NAV3: variants seen among roughly 807,000 people sequenced by gnomAD.
NAV3 encodes the protein neuron navigator 3, also known as pore membrane and/or filament interacting like protein 1.
NAV3 carries 87 observed loss-of-function variants against 244.7 expected under a neutral mutation model. That is an observed-to-expected ratio of 0.36 (90% CI 0.30 to 0.42). The LOEUF (loss-of-function observed/expected upper bound fraction) is 0.42, where lower values mean the gene tolerates loss of function less well. NAV3 is among the 20% of genes least tolerant of loss of function. The probability of loss-of-function intolerance (pLI) is 1.00; values close to 1 mark genes in which losing one functional copy is unlikely to be tolerated. For synonymous variants in NAV3, 1,126 were observed against 1,042.2 expected, an observed-to-expected ratio of 1.08 and a Z score of -1.55; for missense variants, 2,663 against 2,893.3, an observed-to-expected ratio of 0.92 and a Z score of 1.83.
At chr12:77,648,501 G>A (rs1290434734) in intron 2 of NAV3, among the ~76,000 whole-genome samples, 2 of 152,004 alleles carry the variant, frequency 1.3e-5, no homozygotes, top group East Asian at 3.9e-4. Flanking sequence ...GTTATTAAAT[G>A]GTACTAGTTG....
intron 2 of NAV3, among the ~76,000 whole-genome samples, chr12:77,645,470 A>C (rs1872570129): frequency 6.7e-6 from 1 of 149,734 alleles, no homozygotes; most frequent in Non-Finnish European, 1.5e-5. Context: ...GGAAGCCTTT[A>C]AGTCAAGTAG....
intron 1 of NAV3, among the ~76,000 whole-genome samples, chr12:77,890,846 C>A (rs1883851693): frequency 2.0e-5 from 3 of 152,200 alleles, no homozygotes; most frequent in Non-Finnish European, 4.4e-5. Context: ...ACGAGTTCTC[C>A]TGAAAGTAAA....
intron 1 of NAV3, among the ~76,000 whole-genome samples, chr12:77,912,508 A>C (rs11107325): frequency 6.6e-6 from 1 of 152,180 alleles, no homozygotes; most frequent in Admixed American, 6.6e-5. Context: ...ATTAACATCA[A>C]GACAGTGATC....
chr12:77,687,724 CTT>C (rs971714943), intron 2 of NAV3, among the ~76,000 whole-genome samples: 7 of 152,060 alleles, frequency 4.6e-5, no homozygotes, highest in African/African-American at 1.7e-4. Context: ...GTAATATAAA[CTT>C]AGATCGGTTC....
chr12:77,755,218 G>GA (rs1286418427), intron 2 of NAV3, among the ~76,000 whole-genome samples: 1 of 151,876 alleles, frequency 6.6e-6, no homozygotes, highest in Non-Finnish European at 1.5e-5. Context: ...GACTATTTCT[G>GA]AAATTTATAC....
At chr12:77,987,728 G>A (rs1053443219) in intron 5 of NAV3, among the ~76,000 whole-genome samples, 2 of 152,052 alleles carry the variant, frequency 1.3e-5, no homozygotes, top group African/African-American at 4.8e-5. Context: ...TACTTAACCT[G>A]ATTAATTACT....
intron 2 of NAV3, among the ~76,000 whole-genome samples, chr12:77,749,182 G>T (rs1868711961): frequency 6.6e-6 from 1 of 152,158 alleles, no homozygotes; most frequent in Non-Finnish European, 1.5e-5. Context: ...AACAGTGACA[G>T]ACATGATAAA....
chr12:77,710,601 A>G (rs1876060924), intron 2 of NAV3, among the ~76,000 whole-genome samples: 1 of 152,218 alleles, frequency 6.6e-6, no homozygotes, highest in South Asian at 2.1e-4. Flanking sequence ...TAGAAATATA[A>G]TATATGGCAT....
chr12:78,146,034 C>CT (rs1287451013), intron 20 of NAV3, among the ~76,000 whole-genome samples: 1 of 151,930 alleles, frequency 6.6e-6, no homozygotes, highest in African/African-American at 2.4e-5. Flanking sequence ...ATGCACCCAT[C>CT]TTTTTTAGAG....
chr12:77,789,060 T>A (rs890820816), intron 2 of NAV3, among the ~76,000 whole-genome samples: 1 of 152,208 alleles, frequency 6.6e-6, no homozygotes, highest in African/African-American at 2.4e-5. Context: ...TCCTAACATA[T>A]CTAATCCTTC....
chr12:78,204,838 C>G, intron 38 of NAV3, 97 bp from the exon 39 acceptor site: 1 of 1,049,970 alleles, frequency 9.5e-7, no homozygotes, highest in Non-Finnish European at 1.4e-6. Flanking sequence ...CCCTTAAGAA[C>G]TCAATATGTC....
intron 12 of NAV3, among the ~76,000 whole-genome samples, chr12:78,093,012 A>G (rs572514347): frequency 2.6e-5 from 4 of 152,314 alleles, no homozygotes; most frequent in African/African-American, 9.6e-5. Flanking sequence ...ACTTCTTGCA[A>G]TAATTTTCAT....
chr12:77,642,161 C>T (rs1872443327), intron 2 of NAV3, among the ~76,000 whole-genome samples: 1 of 152,044 alleles, frequency 6.6e-6, no homozygotes, highest in Non-Finnish European at 1.5e-5. Context: ...TGGCCCCCTT[C>T]CAATGGGGTT....
At chr12:78,200,659 C>CA (rs959228956) in intron 38 of NAV3, 68 bp downstream of exon 38, 380 of 846,130 alleles carry the variant, frequency 4.5e-4, no homozygotes, top group South Asian at 6.2e-4. Flanking sequence ...ACTTTAAAAG[C>CA]AAAAAAAAAT....
At chr12:77,785,195 A>G (rs1870847857) in intron 2 of NAV3, among the ~76,000 whole-genome samples, 2 of 152,112 alleles carry the variant, frequency 1.3e-5, no homozygotes, top group Non-Finnish European at 2.9e-5. Context: ...TTATGCCTCC[A>G]TGCTGTGCTC....
intron 2 of NAV3, among the ~76,000 whole-genome samples, chr12:77,813,374 A>T (rs1872385682): frequency 6.6e-6 from 1 of 152,192 alleles, no homozygotes; most frequent in African/African-American, 2.4e-5. Context: ...TTGGGTAGGG[A>T]TGTGAACCAA....
chr12:78,070,743 C>T (rs1952718787), intron 12 of NAV3, among the ~76,000 whole-genome samples: 1 of 144,028 alleles, frequency 6.9e-6, no homozygotes, highest in Non-Finnish European at 1.5e-5. Flanking sequence ...TGATATTCCC[C>T]TTCCTGTGTC....
chr12:77,897,603 T>C (rs1167396533), intron 1 of NAV3, among the ~76,000 whole-genome samples: 3 of 152,286 alleles, frequency 2.0e-5, no homozygotes, highest in African/African-American at 7.2e-5. Context: ...TTCATACTTA[T>C]CTGGCTCCTG....
At chr12:77,578,174 T>G (rs1869182111) in intron 2 of NAV3, among the ~76,000 whole-genome samples, 1 of 152,214 alleles carries the variant, frequency 6.6e-6, no homozygotes, top group African/African-American at 2.4e-5. Flanking sequence ...TATTTGATTT[T>G]CTGAGTATAT....
Sources: allele counts gnomAD v4.1 joint callset (sites outside exome capture counted in the v4.1 genomes callset), GRCh38; gene constraint gnomAD v4.1.1; transcripts MANE v1.5; gene names NCBI Gene and HGNC (gene_info 2026-07-23, HGNC 2026-07-21).